The following TMEM117 variants were observed in gnomAD, a reference collection of about 807,000 sequenced individuals.
TMEM117 encodes the protein transmembrane protein 117.
TMEM117 carries 27 observed loss-of-function variants against 52.4 expected under a neutral mutation model. The ratio of observed to expected loss-of-function variants is 0.51; its 90% CI spans 0.38 to 0.71. TMEM117 has a LOEUF of 0.71. Among genes scored for constraint, TMEM117 ranks in the 30% least tolerant of loss-of-function variants. TMEM117 has a pLI of 0.00. For synonymous variants in TMEM117, 215 were observed against 206.3 expected (o/e 1.04, Z -0.36); for missense variants, 556 against 630.5 (o/e 0.88, Z 1.26).
intron 5 of TMEM117, among the ~76,000 whole-genome samples, chr12:44,232,444 T>G (rs1191070572): frequency 6.6e-6 from 1 of 151,554 alleles, no homozygotes; most frequent in East Asian, 1.9e-4. Flanking sequence ...ATTTTTTAAT[T>G]GGCCTAGTTA....
the TMEM117 span, among the ~76,000 whole-genome samples, chr12:43,818,310 A>G: frequency 4.9e-4 from 75 of 152,294 alleles, no homozygotes; most frequent in East Asian, 0.013. Context: ...TTACTGGAAA[A>G]TAAAATGAAC....
chr12:43,834,708 A>G (rs1039987279), upstream of TMEM117, among the ~76,000 whole-genome samples: 3 of 152,192 alleles, frequency 2.0e-5, no homozygotes, highest in African/African-American at 7.2e-5. Context: ...ACTGAAGCTC[A>G]TTTTAGTAGA....
intron 1 of TMEM117, among the ~76,000 whole-genome samples, chr12:43,836,589 A>G (rs75214296): frequency 0.12 from 18,009 of 152,146 alleles, 1,363 homozygotes; most frequent in East Asian, 0.21. Flanking sequence ...GGAACTGAGT[A>G]AAAGCCCTAT....
At chr12:44,304,593 A>G (rs1203920008) in intron 6 of TMEM117, among the ~76,000 whole-genome samples, 1 of 152,190 alleles carries the variant, frequency 6.6e-6, no homozygotes, top group Non-Finnish European at 1.5e-5. Context: ...AGGAGAGCAG[A>G]CAGTAAAGAG....
intron 6 of TMEM117, among the ~76,000 whole-genome samples, chr12:44,362,833 CTT>C (rs11301034): frequency 2.7e-4 from 39 of 146,422 alleles, no homozygotes; most frequent in East Asian, 4.1e-4. Context: ...CTTTCCTTTT[CTT>C]TTTTTTTTTT....
intron 4 of TMEM117, among the ~76,000 whole-genome samples, chr12:44,162,872 C>T (rs541749263): frequency 6.6e-6 from 1 of 152,110 alleles, no homozygotes; most frequent in Non-Finnish European, 1.5e-5. Context: ...TTAAAAATAG[C>T]CTTTTCAAGT....
intron 3 of TMEM117, among the ~76,000 whole-genome samples, chr12:44,017,665 T>G (rs2897766): frequency 6.6e-6 from 1 of 152,186 alleles, no homozygotes; most frequent in African/African-American, 2.4e-5. Flanking sequence ...ATTTCAAATA[T>G]ACTGGTGTTT....
chr12:44,356,114 T>A (rs1386238685), intron 6 of TMEM117, among the ~76,000 whole-genome samples: 1 of 152,100 alleles, frequency 6.6e-6, no homozygotes, highest in Admixed American at 6.6e-5. Flanking sequence ...AGAACTTGTG[T>A]GTGTGAAGGA....
intron 3 of TMEM117, among the ~76,000 whole-genome samples, chr12:44,134,956 C>T (rs1948468334): frequency 6.6e-6 from 1 of 152,112 alleles, no homozygotes. Context: ...TAGACTGACA[C>T]ACCACCCATG....
intron 3 of TMEM117, among the ~76,000 whole-genome samples, chr12:44,053,631 C>T (rs1478918914): frequency 1.3e-5 from 2 of 152,174 alleles, no homozygotes; most frequent in Non-Finnish European, 2.9e-5. Context: ...GCCAGCCTCC[C>T]CACCCCACAT....
chr12:44,208,725 GTTTTTTTT>G (rs5797892), intron 4 of TMEM117, among the ~76,000 whole-genome samples: 15 of 68,846 alleles, frequency 2.2e-4, no homozygotes, highest in South Asian at 6.9e-4. Context: ...CAGAAAGAAT[GTTTTTTTT>G]TTTTTTTTTT....
intron 6 of TMEM117, among the ~76,000 whole-genome samples, chr12:44,317,164 G>T (rs1412614276): frequency 2.0e-5 from 3 of 150,156 alleles, no homozygotes; most frequent in Non-Finnish European, 4.4e-5. Flanking sequence ...ACAATATTCA[G>T]ATTTTTCATG....
At chr12:44,162,221 A>G (rs1948907492) in intron 4 of TMEM117, among the ~76,000 whole-genome samples, 1 of 152,174 alleles carries the variant, frequency 6.6e-6, no homozygotes, top group African/African-American at 2.4e-5. Context: ...GGTCCACCCC[A>G]GTCTTTAAAT....
At chr12:44,195,586 A>G (rs1949408075) in intron 4 of TMEM117, among the ~76,000 whole-genome samples, 2 of 152,144 alleles carry the variant, frequency 1.3e-5, no homozygotes, top group South Asian at 4.1e-4. Context: ...CCTGGAAAAC[A>G]TATACCAGGA....
In TMEM117 at chr12:43,845,023, G is replaced by A. The variant is rs142596810; in HGVS notation, c.277+95G>A. The A allele has an allele frequency of 1.8e-4, 265 of 1,448,900 alleles. 1 individual carries two copies. In the African/African-American group the frequency reaches 3.5e-3, roughly 19 times the overall value. 89.8% of individuals were successfully genotyped at this position (1,448,900 alleles called of 1,614,324 possible). A position where few individuals can be genotyped will look rare whatever the true frequency, so the allele number is the denominator to read the frequency against. ...GCTATTTCTAAGTGCCAATGTAGGA[G>A]GCATTTTAGTTTGTCCTCCTGCCTT... On this transcript the variant is annotated intron_variant, in intron 2 of 7. Transcript: ENST00000266534.
intron 3 of TMEM117, among the ~76,000 whole-genome samples, chr12:44,103,248 AT>A (rs1302634379): frequency 6.7e-6 from 1 of 149,876 alleles, no homozygotes; most frequent in African/African-American, 2.5e-5. Flanking sequence ...TTTGAGAGGA[AT>A]TTTTCCTGTA....
intron 2 of TMEM117, among the ~76,000 whole-genome samples, chr12:43,882,802 A>G (rs1943920949): frequency 6.6e-6 from 1 of 152,224 alleles, no homozygotes; most frequent in African/African-American, 2.4e-5. Context: ...TTCGATGATC[A>G]GATGTAGACT....
rs545638840 is a variant in TMEM117, at chr12:44,283,765, G to A, written c.609-15815G>A. On this transcript the variant is annotated intron_variant, in intron 5 of 7. Coordinates refer to ENST00000266534, the MANE Select transcript of TMEM117 (RefSeq NM_032256.3). Reference sequence around the variant, plus strand: ...GGCGTGATTGGTTTTGAAATGTGAGGACATGAGATTTAGAGGAGCCACGGG... The same window carrying A: ...GGCGTGATTGGTTTTGAAATGTGAGAACATGAGATTTAGAGGAGCCACGGG... Among the ~76,000 whole-genome samples the A allele has an allele frequency of 1.2e-4, 18 of 152,210 alleles. No homozygotes were observed. In the South Asian group the frequency reaches 3.3e-3, roughly 28 times the overall value.
chr12:44,040,597 T>C (rs1555196090), intron 3 of TMEM117, among the ~76,000 whole-genome samples: 1 of 152,206 alleles, frequency 6.6e-6, no homozygotes, highest in Non-Finnish European at 1.5e-5. Context: ...GACAGTTTTG[T>C]TTCTTCACTT....
Sources: gnomAD v4.1 joint callset for allele counts (sites outside exome capture counted in the v4.1 genomes callset) on GRCh38, gnomAD v4.1.1 for gene constraint, MANE v1.5 for transcripts, NCBI Gene and HGNC (gene_info 2026-07-23, HGNC 2026-07-21) for gene names.